Variants in FAM186A observed in about 807,000 individuals in gnomAD.
FAM186A encodes the protein protein FAM186A.
A neutral mutation model predicts 216.8 loss-of-function variants in FAM186A; 163 were observed. The observed-to-expected ratio is 0.75, with a 90% CI of 0.66 to 0.86. The LOEUF is 0.86. Among genes scored for constraint, FAM186A ranks in the 40% least tolerant of loss-of-function variants. The probability of loss-of-function intolerance (pLI) is 0.00; values close to 1 mark genes in which losing one functional copy is unlikely to be tolerated. For synonymous variants in FAM186A, 805 were observed against 1,025.3 expected (o/e 0.79, Z 4.10); for missense variants, 2,184 against 2,746.2 (o/e 0.80, Z 4.58).
chr12:50,363,017 C>G (rs1162536698), intron 2 of FAM186A, 128 bp downstream of exon 2: 10 of 766,348 alleles, frequency 1.3e-5, no homozygotes, highest in Non-Finnish European at 1.8e-5. Flanking sequence ...AGAGGATAAC[C>G]ATTCTCTGAA....
Position 50,351,587 on chromosome 12 carries a change from T to A in FAM186A, c.5245A>T (p.Lys1749Ter). 1 of 1,551,264 alleles carries A rather than the reference T, an allele frequency of 6.4e-7. No individual in the cohort carries two copies. The highest frequency in any genetic ancestry group is 8.7e-7 in the Non-Finnish European group (1 of 1,146,732). The change falls in exon 4 of 8, where the codon AAG (lysine) becomes TAG (stop). Residue 1749 changes from lysine (K) to a stop codon, truncating the protein, a stop_gained. Transcript: ENST00000327337. LOFTEE classifies it high-confidence loss of function. Reference sequence around the variant, plus strand: ...GAAGAGACCCCGAATATAGAGGACTTCTCAGCAGTAGGAGCTGATGATGCC... The same window carrying A: ...GAAGAGACCCCGAATATAGAGGACTACTCAGCAGTAGGAGCTGATGATGCC... ...SLASSAPTAE[K>*]SSIFGVSSTP...
rs1942659122 is a variant in FAM186A at position 50,331,786 on chromosome 12, A to G, written c.6732T>C (p.Pro2244=). 7.8e-6 allele frequency: 12 copies of G among 1,541,708 alleles called. No individual in the cohort carries two copies. Among genetic ancestry groups the G allele is most frequent in the Non-Finnish European group, 1.0e-5 (12 of 1,144,774 alleles). ...KKIHELNLSQ[P]IPLIIEEKQI... The stretch of plus-strand genomic sequence containing the variant: ...GCTTTTCTTCGATGATTAAGGGGAT[A>G]GGTTGACTAAGATTCAATTCATGTA... The change falls in exon 6 of 8, where the codon CCT becomes CCC. Residue 2244 remains proline, a synonymous_variant. Transcript: ENST00000327337.
rs538113633 is a variant in FAM186A, at chr12:50,360,746, G to T, written c.583+10C>A. On this transcript the variant is annotated intron_variant, in intron 3 of 7. Transcript: ENST00000327337. Reference sequence around the variant, plus strand: ...TCTACTCCAACTCCAAAATCATAAAGCACCCTTACATATTTTTTTCTTTTG... The same window carrying T: ...TCTACTCCAACTCCAAAATCATAAATCACCCTTACATATTTTTTTCTTTTG... 3 of 1,509,596 alleles carry T rather than the reference G, an allele frequency of 2.0e-6. No individual in the cohort carries two copies. Among genetic ancestry groups the T allele is most frequent in the Admixed American group, 2.4e-5 (1 of 42,514 alleles). The allele number at this position is 1,509,596 out of a possible 1,614,324, so 93.5% of individuals were successfully genotyped here. A position where few individuals can be genotyped will look rare whatever the true frequency, so the allele number is the denominator to read the frequency against.
intron 4 of FAM186A, among the ~76,000 whole-genome samples, chr12:50,349,516 C>T (rs1008167203): frequency 6.6e-6 from 1 of 151,742 alleles, no homozygotes; most frequent in African/African-American, 2.4e-5. Flanking sequence ...TCCATTAGTT[C>T]AATTGCTTTA....
rs1943412013 is a variant in FAM186A, at chr12:50,396,289, C to T, written c.192+4G>A. 1.3e-6 allele frequency: 2 copies of T among 1,522,182 alleles called. No individual in the cohort carries two copies. Among genetic ancestry groups the T allele is most frequent in the Non-Finnish European group, 1.8e-6 (2 of 1,133,420 alleles). 94.3% of individuals were successfully genotyped at this position (1,522,182 alleles called of 1,614,324 possible). On this transcript the variant is annotated splice_donor_region_variant and intron_variant, in intron 1 of 7. Coordinates refer to ENST00000327337, the MANE Select transcript of FAM186A (RefSeq NM_001145475.3). The stretch of plus-strand genomic sequence containing the variant: ...AGTCTGTAAACTTCAGATTCACTAC[C>T]TACCTCTCTGGCTCGATGGAGCTGT...
At chr12:50,394,011 C>G (rs1013647990) in intron 1 of FAM186A, among the ~76,000 whole-genome samples, 1 of 151,962 alleles carries the variant, frequency 6.6e-6, no homozygotes, top group Non-Finnish European at 1.5e-5. Flanking sequence ...CTCTGCCTTT[C>G]GGGCTCAAGT....
intron 2 of FAM186A, among the ~76,000 whole-genome samples, chr12:50,361,659 C>T (rs1943036965): frequency 6.6e-6 from 1 of 151,016 alleles, no homozygotes; most frequent in South Asian, 2.1e-4. Flanking sequence ...CAACCTCTAC[C>T]TCCCAGGTTC....
chr12:50,388,917 G>T (rs185502852), intron 1 of FAM186A, among the ~76,000 whole-genome samples: 3 of 151,958 alleles, frequency 2.0e-5, no homozygotes, highest in Admixed American at 1.3e-4. Flanking sequence ...GCTGGGCGTG[G>T]TGCATGCCTG....
intron 1 of FAM186A, chr12:50,365,756 C>T (rs920492160): frequency 4.0e-6 from 3 of 753,494 alleles, no homozygotes; most frequent in African/African-American, 1.7e-5. Context: ...CCCCTCTTTC[C>T]GAAGAGCTGA....
At chr12:50,386,276 A>G (rs950995665) in intron 1 of FAM186A, among the ~76,000 whole-genome samples, 2 of 150,638 alleles carry the variant, frequency 1.3e-5, no homozygotes, top group African/African-American at 5.0e-5. Flanking sequence ...TAAAAATACA[A>G]CAATTAGCCA....
intron 1 of FAM186A, among the ~76,000 whole-genome samples, chr12:50,374,562 A>G (rs911487333): frequency 2.3e-4 from 35 of 152,194 alleles, no homozygotes; most frequent in Non-Finnish European, 8.8e-5. Context: ...GCCTCGGTAT[A>G]TACAGAAAAA....
chr12:50,380,521 CAAAAAAAA>C (rs60955395), intron 1 of FAM186A, among the ~76,000 whole-genome samples: 3 of 76,442 alleles, frequency 3.9e-5, no homozygotes, highest in African/African-American at 1.4e-4. Context: ...ACTAAAAATA[CAAAAAAAA>C]AAAAAAAAAA....
chr12:50,364,448 C>T (rs1462307431), intron 1 of FAM186A, among the ~76,000 whole-genome samples: 2 of 151,744 alleles, frequency 1.3e-5, no homozygotes. Flanking sequence ...GTCCCAGCTA[C>T]TGGGGAGGCT....
rs371233378 is a variant in FAM186A, at chr12:50,353,089, G to A, written c.3743C>T (p.Ala1248Val). ...QLGIPLTPQQ[A>V]QALGITLTPK... The stretch of plus-strand genomic sequence containing the variant: ...GGTGAGAGTGATTCCGAGAGCCTGC[G>A]CCTGCTGAGGGGTGAGAGGGATCCC... The change falls in exon 4 of 8, where the codon GCG (alanine) becomes GTG (valine). Residue 1248 changes from alanine to valine, a missense_variant. Coordinates refer to ENST00000327337, the MANE Select transcript of FAM186A (RefSeq NM_001145475.3). The A allele has an allele frequency of 6.5e-4, 993 of 1,539,320 alleles. No homozygotes were observed. The highest frequency in any genetic ancestry group is 7.9e-4 in the Non-Finnish European group (900 of 1,140,592).
Position 50,353,746 on chromosome 12 carries a change from A to T in FAM186A, c.3086T>A (p.Phe1029Tyr). The T allele has an allele frequency of 6.5e-7, 1 of 1,550,256 alleles. No individual in the cohort carries two copies. The highest frequency in any genetic ancestry group is 1.2e-5 in the South Asian group (1 of 83,736). ...DVQRSYEGKE[F>Y]QRNLKTLENL... Reference sequence around the variant, plus strand: ...CTCTAATGTCTTCAGATTCCTCTGAAACTCTTTTCCTTCATATGACCGCTG... The same window carrying T: ...CTCTAATGTCTTCAGATTCCTCTGATACTCTTTTCCTTCATATGACCGCTG... Residue 1029 changes from phenylalanine (F) to tyrosine (Y), a missense_variant, in exon 4 of 8, where the codon TTT (phenylalanine) becomes TAT (tyrosine). Physicochemically the swap from Phe to Tyr is conservative, Grantham distance 22 (BLOSUM62 3). Transcript: ENST00000327337.
chr12:50,337,757 G>A, intron 4 of FAM186A, among the ~76,000 whole-genome samples: 1 of 152,170 alleles, frequency 6.6e-6, no homozygotes, highest in South Asian at 2.1e-4. Context: ...TTAGCTGGGC[G>A]TGGTGGCAAG....
At chr12:50,359,155 T>C (rs925518575) in intron 3 of FAM186A, among the ~76,000 whole-genome samples, 11 of 151,766 alleles carry the variant, frequency 7.2e-5, no homozygotes, top group Admixed American at 2.6e-4. Context: ...TCCCAGCACT[T>C]TGGGAGGCAG....
intron 5 of FAM186A, among the ~76,000 whole-genome samples, chr12:50,333,265 C>G (rs953167883): frequency 2.6e-5 from 4 of 152,088 alleles, no homozygotes. Context: ...GGCGTGGTGG[C>G]TCACGCCTGT....
At chr12:50,376,635 A>G (rs1943200796) in intron 1 of FAM186A, among the ~76,000 whole-genome samples, 2 of 152,150 alleles carry the variant, frequency 1.3e-5, no homozygotes, top group African/African-American at 2.4e-5. Context: ...GCCTGGTAAA[A>G]GTACCATCTG....
Sources: gnomAD v4.1 joint callset for allele counts (sites outside exome capture counted in the v4.1 genomes callset) on GRCh38, gnomAD v4.1.1 for gene constraint, MANE v1.5 for transcripts, NCBI Gene and HGNC (gene_info 2026-07-23, HGNC 2026-07-21) for gene names.